Variants in ANKFN1 observed in about 807,000 individuals in gnomAD.
ANKFN1 encodes ankyrin repeat and fibronectin type III domain containing 1.
Under a neutral mutation model 108.7 loss-of-function variants are expected in ANKFN1, and 74 were observed. The ratio of observed to expected loss-of-function variants is 0.68; its 90% confidence interval spans 0.56 to 0.83. The LOEUF is 0.83. ANKFN1 is among the 40% of genes least tolerant of loss of function. ANKFN1 has a pLI of 0.00. For missense variants in ANKFN1, 1,505 were observed against 1,382.3 expected, an observed-to-expected ratio of 1.09 and a Z score of -1.41; for synonymous variants, 547 against 516.2, an observed-to-expected ratio of 1.06 and a Z score of -0.81.
At chr17:56,120,690 G>T (rs1273174807) in intron 4 of ANKFN1, among the ~76,000 whole-genome samples, 1 of 152,072 alleles carries the variant, frequency 6.6e-6, no homozygotes, top group East Asian at 1.9e-4. Flanking sequence ...TGCACTAATT[G>T]TTTCACAACT....
At chr17:56,256,323 A>G (rs144273809) in intron 3 of ANKFN1, among the ~76,000 whole-genome samples, 34 of 152,348 alleles carry the variant, frequency 2.2e-4, no homozygotes, top group African/African-American at 7.5e-4. Context: ...GAACAATGTA[A>G]TATTTCTTTC....
rs977235023 is a variant in ANKFN1, at chr17:56,169,177, C to A, written c.-71+15647C>A. Among the ~76,000 whole-genome samples, 10 of 152,036 alleles carry A rather than the reference C, an allele frequency of 6.6e-5. 1 individual carries two copies. The highest frequency in any genetic ancestry group is 1.4e-4 in the African/African-American group (6 of 41,402). ...TTCTCCTTTGAAGCTAAAGGAGAGGCGCAGAGGAAGTGTGCAGAGGCAGGG... is the reference window on the plus strand; with the variant it reads ...TTCTCCTTTGAAGCTAAAGGAGAGGAGCAGAGGAAGTGTGCAGAGGCAGGG... On this transcript the variant is annotated intron_variant, in intron 1 of 20. Coordinates refer to ENST00000682825, the MANE Select transcript of ANKFN1 (RefSeq NM_001370326.1).
Position 56,220,832 on chromosome 17 carries a change from G to GAGGGAGGGAGGAAGGAAGGAAGGA in ANKFN1, c.13-7082_13-7081insGAGGGAGGAAGGAAGGAAGGAAGG, listed in dbSNP as rs1567846033. ...GGAGGAAGGAAGGAAGGAAGGAAGG[G>GAGGGAGGGAGGAAGGAAGGAAGGA]AGGAAGGGAGGGAGGGAGGAAGGAA... On this transcript the variant is annotated intron_variant, in intron 2 of 20. Coordinates refer to ENST00000682825, the MANE Select transcript of ANKFN1 (RefSeq NM_001370326.1). Among the ~76,000 whole-genome samples, 3 of 43,404 alleles carry GAGGGAGGGAGGAAGGAAGGAAGGA rather than the reference G, an allele frequency of 6.9e-5. 1 individual carries two copies. The South Asian group carries it at 2.9e-3, about 42-fold the overall frequency. 28.5% of individuals were successfully genotyped at this position (43,404 alleles called of 152,430 possible). A position where few individuals can be genotyped will look rare whatever the true frequency, so the allele number is the denominator to read the frequency against.
chr17:56,371,064 A>G (rs1441944472), intron 6 of ANKFN1, among the ~76,000 whole-genome samples: 1 of 151,980 alleles, frequency 6.6e-6, no homozygotes, highest in Non-Finnish European at 1.5e-5. Context: ...GATTCTGCAT[A>G]GTGTAGCTGC....
Position 56,222,075 on chromosome 17 carries a change from G to A in ANKFN1, c.13-5842G>A, listed in dbSNP as rs7503681. ...TCAGGTGATCTGTGGACACATTCAA[G>A]TATAAGGAGCACTGGCCTCAGTGGC... On this transcript the variant is annotated intron_variant, in intron 2 of 20. Coordinates refer to ENST00000682825, the MANE Select transcript of ANKFN1 (RefSeq NM_001370326.1). Among the ~76,000 whole-genome samples, 956 of 152,362 alleles carry A rather than the reference G, an allele frequency of 6.3e-3. 10 individuals carry two copies. Among genetic ancestry groups the A allele is most frequent in the Non-Finnish European group, 0.01 (710 of 68,034 alleles).
chr17:56,050,469 T>C (rs1486791167), intron 4 of ANKFN1, among the ~76,000 whole-genome samples: 4 of 131,584 alleles, frequency 3.0e-5, no homozygotes, highest in African/African-American at 5.8e-5. Flanking sequence ...TCCTTGCCCA[T>C]GCCTATGTCC....
intron 1 of ANKFN1, among the ~76,000 whole-genome samples, chr17:56,209,941 A>T (rs1402016021): frequency 1.3e-5 from 2 of 152,122 alleles, no homozygotes; most frequent in African/African-American, 2.4e-5. Context: ...TTCCTGAGTT[A>T]CTTCACTTAG....
chr17:56,156,598 C>G (rs1909144452), intron 1 of ANKFN1: 1 of 152,242 alleles, frequency 6.6e-6, no homozygotes, highest in Non-Finnish European at 1.5e-5. Flanking sequence ...ATATTATCCT[C>G]TTTATACCTT....
chr17:56,381,418 G>A (rs935112594), intron 8 of ANKFN1, among the ~76,000 whole-genome samples: 1 of 152,170 alleles, frequency 6.6e-6, no homozygotes, highest in Non-Finnish European at 1.5e-5. Context: ...CACCAGCAAC[G>A]GAACAAAGCT....
rs1907388103 is a variant in ANKFN1, at chr17:56,133,220, C to A, written c.288+86895C>A. 2.0e-5 allele frequency among the ~76,000 whole-genome samples: 3 copies of A among 152,072 alleles called. No homozygotes were observed. The South Asian group carries it at 6.2e-4, about 31-fold the overall frequency. ...CTTGAGTTGGCTGGTTAATTTATTT[C>A]TGGTGAAAAAACAAGAAATAGCCTT... On this transcript the variant is annotated intron_variant, in intron 4 of 12. Transcript: ENST00000635860.
chr17:56,052,207 G>C (rs1269992830), intron 4 of ANKFN1, among the ~76,000 whole-genome samples: 2 of 152,122 alleles, frequency 1.3e-5, no homozygotes, highest in South Asian at 4.2e-4. Context: ...GCATGGTACT[G>C]GTACCAAAAC....
chr17:56,112,354 G>A (rs1423966929), intron 4 of ANKFN1, among the ~76,000 whole-genome samples: 1 of 152,016 alleles, frequency 6.6e-6, no homozygotes, highest in Non-Finnish European at 1.5e-5. Context: ...CATAATGTGA[G>A]GATCTAGTCG....
intron 15 of ANKFN1, among the ~76,000 whole-genome samples, chr17:56,470,786 CCT>C: frequency 6.6e-6 from 1 of 152,302 alleles, no homozygotes. Flanking sequence ...TCAAAAGAGG[CCT>C]CTCTCATTTA....
At chr17:56,351,078 T>C (rs2046236035) in intron 5 of ANKFN1, 111 bp downstream of exon 5, 2 of 1,041,908 alleles carry the variant, frequency 1.9e-6, no homozygotes, top group East Asian at 5.2e-5. Flanking sequence ...GCTTGCAATT[T>C]TATAAATGCT....
chr17:56,321,759 G>T (rs1366775609), intron 3 of ANKFN1, among the ~76,000 whole-genome samples: 2 of 152,126 alleles, frequency 1.3e-5, no homozygotes, highest in African/African-American at 4.8e-5. Context: ...AGAGACCTTT[G>T]AATTTAACTG....
At chr17:56,443,581 C>A (rs770595937) in intron 10 of ANKFN1, among the ~76,000 whole-genome samples, 12 of 152,124 alleles carry the variant, frequency 7.9e-5, no homozygotes, top group African/African-American at 2.9e-4. Context: ...TGAAAGCTAA[C>A]AAATCTTACT....
At position 56,222,261 on chromosome 17, in the gene ANKFN1, A is replaced by C. The variant is rs1915943589; in HGVS notation, c.13-5656A>C. ...ACCCTCAGTTGAGGGGTTCTAGCCT[A>C]CCAGGCTGTTCACCAGGAAAATATT... On this transcript the variant is annotated intron_variant, in intron 2 of 20. Coordinates refer to ENST00000682825, the MANE Select transcript of ANKFN1 (RefSeq NM_001370326.1). Among the ~76,000 whole-genome samples the C allele has an allele frequency of 1.3e-5, 2 of 152,184 alleles. 1 individual carries two copies. Among genetic ancestry groups the C allele is most frequent in the South Asian group, 4.1e-4 (2 of 4,834 alleles).
rs532063852 is a variant in ANKFN1, at chr17:56,189,170, C to CTTTTTTTTTTTTTTTTTTTTTT, written c.-70-23410_-70-23409insTTTTTTTTTTTTTTTTTTTTTT. ...CCTAAGTAAGTAAATGTTGCCCTGA[C>CTTTTTTTTTTTTTTTTTTTTTT]TTTTTTTTTTTTTTTTTTGAGACGG... On this transcript the variant is annotated intron_variant, in intron 1 of 20. Transcript: ENST00000682825. 2.5e-4 allele frequency among the ~76,000 whole-genome samples: 21 copies of CTTTTTTTTTTTTTTTTTTTTTT among 85,264 alleles called. 2 individuals carry two copies. The highest frequency in any genetic ancestry group is 1.4e-3 in the African/African-American group (20 of 14,762). The allele number at this position is 85,264 out of a possible 152,430, so 55.9% of individuals were successfully genotyped here.
chr17:56,175,961 A>C, intron 1 of ANKFN1, among the ~76,000 whole-genome samples: 1 of 151,982 alleles, frequency 6.6e-6, no homozygotes, highest in African/African-American at 2.4e-5. Context: ...AGGTCTGGGA[A>C]AGGGAGGCAG....
Sources: gnomAD v4.1 joint callset for allele counts (sites outside exome capture counted in the v4.1 genomes callset) on GRCh38, gnomAD v4.1.1 for gene constraint, MANE v1.5 for transcripts, NCBI Gene and HGNC (gene_info 2026-07-23, HGNC 2026-07-21) for gene names.